Variants in FGD4 observed in about 807,000 individuals in gnomAD.
FGD4 encodes FYVE, RhoGEF and PH domain-containing protein 4.
FGD4 carries 42 observed loss-of-function variants against 102.0 expected under a neutral mutation model. The ratio of observed to expected loss-of-function variants is 0.41; its 90% CI spans 0.32 to 0.53. The LOEUF is 0.53. FGD4 is among the 20% of genes least tolerant of loss of function. FGD4 has a pLI of 0.21. For synonymous variants in FGD4, 380 were observed against 375.7 expected, an observed-to-expected ratio of 1.01 and a Z score of -0.13; for missense variants, 902 against 1,078.2, an observed-to-expected ratio of 0.84 and a Z score of 2.29.
chr12:32,462,015 G>A (rs1591947774), intron 1 of FGD4, among the ~76,000 whole-genome samples: 4 of 152,200 alleles, frequency 2.6e-5, no homozygotes, highest in South Asian at 2.1e-4. Flanking sequence ...ATGAGCCACC[G>A]CGCCTGGCTT....
intron 1 of FGD4, among the ~76,000 whole-genome samples, chr12:32,426,061 C>T (rs1591876683): frequency 6.6e-6 from 1 of 152,180 alleles, no homozygotes; most frequent in African/African-American, 2.4e-5. Context: ...TTATTTCCTT[C>T]TCTTGCCTGA....
chr12:32,580,254 C>T (rs1444559229), intron 3 of FGD4, among the ~76,000 whole-genome samples: 1 of 152,020 alleles, frequency 6.6e-6, no homozygotes, highest in African/African-American at 2.4e-5. Flanking sequence ...GGATCCCTGT[C>T]TTTGGAATTA....
chr12:32,568,539 T>C (rs1945376577), intron 2 of FGD4, among the ~76,000 whole-genome samples: 1 of 152,358 alleles, frequency 6.6e-6, no homozygotes, highest in South Asian at 2.1e-4. Context: ...AATAGTTCTT[T>C]TTCTCTTAAC....
intron 3 of FGD4, among the ~76,000 whole-genome samples, chr12:32,577,590 G>A (rs1219164390): frequency 3.3e-5 from 5 of 152,160 alleles, no homozygotes; most frequent in African/African-American, 7.2e-5. Flanking sequence ...ACAAGTTCTG[G>A]AGAGAAGCCT....
At chr12:32,600,588 C>CTTTTTTTTTTTTTTTTTTTTT (rs1245510421) in intron 5 of FGD4, 5 of 256,622 alleles carry the variant, frequency 1.9e-5, no homozygotes, top group African/African-American at 1.8e-4. Context: ...TTCTTTCTTT[C>CTTTTTTTTTTTTTTTTTTTTT]TTTCTTTTTT....
intron 1 of FGD4, among the ~76,000 whole-genome samples, chr12:32,419,047 C>G (rs891583829): frequency 1.2e-4 from 19 of 152,100 alleles, no homozygotes; most frequent in African/African-American, 4.6e-4. Flanking sequence ...TACTTAAAGC[C>G]TAAGGGCTCT....
chr12:32,460,648 A>G (rs1183759571), intron 1 of FGD4, among the ~76,000 whole-genome samples: 1 of 152,252 alleles, frequency 6.6e-6, no homozygotes, highest in Non-Finnish European at 1.5e-5. Context: ...AACTTGAAAC[A>G]ACTTAGAGAA....
chr12:32,527,477 T>A (rs1477822089), intron 1 of FGD4, among the ~76,000 whole-genome samples: 1 of 152,144 alleles, frequency 6.6e-6, no homozygotes, highest in Non-Finnish European at 1.5e-5. Context: ...TTGTCCAGGC[T>A]GGAGCGCAGT....
Position 32,611,155 on chromosome 12 carries a change from T to G in FGD4, c.1621T>G (p.Leu541Val). ...IRKMENLKKL[L>V]EIYEMLGEEE... ...TTCCTAGGAGAACCTAAAGAAACTCTTAGAGATTTATGAAATGTTGGGAGA... is the reference window on the plus strand; with the variant it reads ...TTCCTAGGAGAACCTAAAGAAACTCGTAGAGATTTATGAAATGTTGGGAGA... Residue 541 changes from leucine to valine, a missense_variant, in exon 10 of 17, where the codon TTA (leucine) becomes GTA (valine). Transcript: ENST00000534526. 1 of 1,614,102 alleles carries G rather than the reference T, an allele frequency of 6.2e-7. No homozygotes were observed. The highest frequency in any genetic ancestry group is 8.5e-7 in the Non-Finnish European group (1 of 1,180,004).
chr12:32,422,686 C>T (rs1350703092), intron 1 of FGD4, among the ~76,000 whole-genome samples: 1 of 152,050 alleles, frequency 6.6e-6, no homozygotes, highest in Non-Finnish European at 1.5e-5. Context: ...TAAATACTCT[C>T]CCAGACTATA....
intron 1 of FGD4, among the ~76,000 whole-genome samples, chr12:32,432,528 C>T (rs192285270): frequency 6.6e-6 from 1 of 151,206 alleles, no homozygotes; most frequent in Non-Finnish European, 1.5e-5. Context: ...AGATTGAACC[C>T]AGGAGGCGGA....
intron 2 of FGD4, among the ~76,000 whole-genome samples, chr12:32,572,207 G>A (rs1302499294): frequency 6.6e-6 from 1 of 152,120 alleles, no homozygotes; most frequent in Non-Finnish European, 1.5e-5. Context: ...TATATAATAA[G>A]GTTCTTACAA....
At chr12:32,422,843 C>T (rs2171373) in intron 1 of FGD4, among the ~76,000 whole-genome samples, 59,878 of 151,922 alleles carry the variant, frequency 0.39, 12,362 homozygotes, top group African/African-American at 0.5. Context: ...TGAGTACTTA[C>T]ATTTTAGATG....
At chr12:32,481,878 C>T (rs1408554730) in intron 1 of FGD4, among the ~76,000 whole-genome samples, 1 of 151,720 alleles carries the variant, frequency 6.6e-6, no homozygotes, top group Non-Finnish European at 1.5e-5. Flanking sequence ...CTTGATCACA[C>T]GAACCCATGT....
chr12:32,530,715 T>G (rs1941704204), intron 1 of FGD4, among the ~76,000 whole-genome samples: 1 of 152,094 alleles, frequency 6.6e-6, no homozygotes, highest in Non-Finnish European at 1.5e-5. Flanking sequence ...CATATTTATT[T>G]AATAGATCCC....
intron 1 of FGD4, among the ~76,000 whole-genome samples, chr12:32,523,838 C>T (rs1940808231): frequency 6.6e-6 from 1 of 151,474 alleles, no homozygotes; most frequent in Non-Finnish European, 1.5e-5. Flanking sequence ...ATTAGCCGGG[C>T]GTTGTGGCAG....
intron 1 of FGD4, among the ~76,000 whole-genome samples, chr12:32,412,840 A>G (rs1941258684): frequency 6.7e-6 from 1 of 150,218 alleles, no homozygotes; most frequent in Non-Finnish European, 1.5e-5. Context: ...TCAGCCTCCT[A>G]AAGTTCTGGG....
chr12:32,495,604 G>A (rs12814968), intron 1 of FGD4, among the ~76,000 whole-genome samples: 1 of 151,246 alleles, frequency 6.6e-6, no homozygotes, highest in South Asian at 2.1e-4. Context: ...GCTGAGGCAG[G>A]AGAATGTTGT....
At chr12:32,580,980 T>C (rs1236980280) in intron 3 of FGD4, among the ~76,000 whole-genome samples, 1 of 152,100 alleles carries the variant, frequency 6.6e-6, no homozygotes, top group Non-Finnish European at 1.5e-5. Context: ...ACTACTGTTA[T>C]GTCAAGCAGT....
Sources: gnomAD v4.1 joint callset for allele counts (sites outside exome capture counted in the v4.1 genomes callset) on GRCh38, gnomAD v4.1.1 for gene constraint, MANE v1.5 for transcripts, NCBI Gene and HGNC (gene_info 2026-07-23, HGNC 2026-07-21) for gene names.